LARP4: variants seen among roughly 807,000 people sequenced by gnomAD.
LARP4 encodes the protein la-related protein 4.
Under a neutral mutation model 92.9 loss-of-function variants are expected in LARP4, and 29 were observed. The observed-to-expected ratio is 0.31, with a 90% CI of 0.23 to 0.43. The LOEUF (loss-of-function observed/expected upper bound fraction) is 0.43. Ranked by LOEUF, LARP4 falls within the 20% of genes least tolerant of loss-of-function variation. LARP4 has a pLI of 1.00. For missense variants in LARP4, 732 were observed against 860.0 expected, an observed-to-expected ratio of 0.85 and a Z score of 1.86; for synonymous variants, 279 against 284.1, an observed-to-expected ratio of 0.98 and a Z score of 0.18.
chr12:50,471,710 A>G (rs1956953337), intron 13 of LARP4, among the ~76,000 whole-genome samples: 1 of 152,062 alleles, frequency 6.6e-6, no homozygotes, highest in Admixed American at 6.6e-5. Flanking sequence ...CAGTAGAGAC[A>G]GGGTTTCGTC....
intron 1 of LARP4, among the ~76,000 whole-genome samples, chr12:50,422,204 A>T: frequency 6.6e-6 from 1 of 152,094 alleles, no homozygotes; most frequent in East Asian, 1.9e-4. Flanking sequence ...ACCTCAAGTG[A>T]TCTGCCTGTC....
intron 8 of LARP4, among the ~76,000 whole-genome samples, chr12:50,449,296 T>A (rs189550444): frequency 5.5e-4 from 83 of 152,290 alleles, no homozygotes; most frequent in African/African-American, 1.9e-3. Flanking sequence ...TATAACTTTG[T>A]ATTTTTTTCT....
At chr12:50,425,522 A>G (rs1036324511) in intron 1 of LARP4, among the ~76,000 whole-genome samples, 1 of 152,218 alleles carries the variant, frequency 6.6e-6, no homozygotes, top group Non-Finnish European at 1.5e-5. Context: ...GAGCTTGGCT[A>G]TCACAAGCTA....
intron 10 of LARP4, among the ~76,000 whole-genome samples, chr12:50,457,092 C>T (rs1275814129): frequency 1.5e-4 from 22 of 151,624 alleles, no homozygotes; most frequent in Non-Finnish European, 8.8e-5. Context: ...TTAGTAGAGA[C>T]GGGGTTTCAT....
chr12:50,468,968 G>A (rs775122513), intron 13 of LARP4, among the ~76,000 whole-genome samples: 21 of 151,718 alleles, frequency 1.4e-4, no homozygotes, highest in African/African-American at 4.6e-4. Context: ...TCTCTTTACC[G>A]TCACCCTGGC....
At chr12:50,469,338 C>T (rs923536681) in intron 13 of LARP4, among the ~76,000 whole-genome samples, 7 of 152,144 alleles carry the variant, frequency 4.6e-5, no homozygotes, top group Non-Finnish European at 7.3e-5. Context: ...GGTGCGGTGG[C>T]TTACGCCTGT....
At position 50,462,615 on chromosome 12, in the gene LARP4, A is replaced by C; in HGVS notation, c.1368A>C (p.Glu456Asp). 6.3e-7 allele frequency: 1 copy of C among 1,597,338 alleles called. No individual in the cohort carries two copies. The highest frequency in any genetic ancestry group is 8.5e-7 in the Non-Finnish European group (1 of 1,171,534). ...RTLFRGRRRR[E>D]DDRISRPHPS... The stretch of plus-strand genomic sequence containing the variant: ...TCTTCAGAGGTCGAAGACGACGAGA[A>C]GATGACAGGATCTCAGTAAGTTTTT... The change falls in exon 12 of 16, where the codon GAA (glutamate) becomes GAC (aspartate). Residue 456 changes from glutamate to aspartate, a missense_variant. Glu to Asp is a conservative substitution (Grantham distance 45). Around this residue, in one of 7 missense-constraint regions of LARP4, gnomAD observed 264 missense variants for 269.5 expected, o/e 0.98. Coordinates refer to ENST00000398473, the MANE Select transcript of LARP4 (RefSeq NM_052879.5).
At chr12:50,404,568 A>G (rs1253546196) in intron 1 of LARP4, among the ~76,000 whole-genome samples, 1 of 151,278 alleles carries the variant, frequency 6.6e-6, no homozygotes, top group Admixed American at 6.6e-5. Context: ...ACTTCAGTAG[A>G]TTATTGGTTT....
chr12:50,469,909 C>CA (rs950873816), intron 13 of LARP4, among the ~76,000 whole-genome samples: 14 of 139,544 alleles, frequency 1.0e-4, no homozygotes, highest in Non-Finnish European at 1.3e-4. Flanking sequence ...GACTCTGTCT[C>CA]AAAAAACAGA....
intron 8 of LARP4, among the ~76,000 whole-genome samples, chr12:50,450,597 C>T (rs940887109): frequency 6.6e-6 from 1 of 152,140 alleles, no homozygotes; most frequent in Admixed American, 6.5e-5. Context: ...CTCCTGGGTT[C>T]AAGCAATTCT....
chr12:50,427,889 C>T lies in LARP4; in HGVS notation c.146C>T (p.Thr49Ile), dbSNP rs749830137. Reference sequence around the variant, plus strand: ...AGCTCTTGGCATGAAATAGCAGCTACATCAGGTGCTCATCCTGAGGGTAAG... The same window carrying T: ...AGCTCTTGGCATGAAATAGCAGCTATATCAGGTGCTCATCCTGAGGGTAAG... ...TESSWHEIAA[T>I]SGAHPEGNAE... Residue 49 changes from threonine (T) to isoleucine (I), a missense_variant, in exon 2 of 16, where the codon ACA becomes ATA. Coordinates refer to ENST00000398473, the MANE Select transcript of LARP4 (RefSeq NM_052879.5). The T allele has an allele frequency of 6.3e-7, 1 of 1,594,178 alleles. No individual in the cohort carries two copies. Among genetic ancestry groups the T allele is most frequent in the Admixed American group, 1.7e-5 (1 of 59,768 alleles).
intron 1 of LARP4, among the ~76,000 whole-genome samples, chr12:50,421,974 T>A (rs567461149): frequency 2.7e-5 from 4 of 147,758 alleles, no homozygotes; most frequent in African/African-American, 9.9e-5. Flanking sequence ...TTGGTTGGAT[T>A]TTTTTTTTTT....
chr12:50,437,992 TA>T (rs1950679613), intron 6 of LARP4, among the ~76,000 whole-genome samples, 154 bp downstream of exon 6: 1 of 152,234 alleles, frequency 6.6e-6, no homozygotes, highest in South Asian at 2.1e-4. Context: ...GGTTAAATAC[TA>T]ATTTGTTTCA....
At chr12:50,463,429 A>C (rs1287711194) in intron 12 of LARP4, among the ~76,000 whole-genome samples, 15 of 148,354 alleles carry the variant, frequency 1.0e-4, no homozygotes, top group African/African-American at 3.0e-4. Flanking sequence ...CCAAAAAAAA[A>C]AAAAAAAAAA....
rs771873755 is a variant in LARP4, at chr12:50,477,309, CTGTTT to C, written c.*1447_*1451del. On this transcript the variant is annotated 3_prime_UTR_variant, in exon 16 of 16. Coordinates refer to ENST00000398473, the MANE Select transcript of LARP4 (RefSeq NM_052879.5). The stretch of plus-strand genomic sequence containing the variant: ...ATATTAAAAACCGTGTTGTGTTAAT[CTGTTT>C]TAAGTCATACCATGTTCAGAGTTCT... The C allele has an allele frequency of 3.3e-5, 5 of 152,434 alleles. No homozygotes were observed. Among genetic ancestry groups the C allele is most frequent in the African/African-American group, 9.7e-5 (4 of 41,420 alleles). The allele number at this position is 152,434 out of a possible 1,614,324, so 9.4% of individuals were successfully genotyped here. A position where few individuals can be genotyped will look rare whatever the true frequency, so the allele number is the denominator to read the frequency against.
At chr12:50,426,732 G>GTGTGTGGTT (rs1948838581) in intron 1 of LARP4, among the ~76,000 whole-genome samples, 2 of 52,110 alleles carry the variant, frequency 3.8e-5, no homozygotes, top group Non-Finnish European at 7.6e-5. Context: ...TGTGTGTGTG[G>GTGTGTGGTT]TTTTTTTTTT....
chr12:50,466,907 G>C (rs1956221944), intron 12 of LARP4, 52 bp from the exon 13 acceptor site: 2 of 1,545,402 alleles, frequency 1.3e-6, no homozygotes, highest in Non-Finnish European at 8.9e-7. Context: ...TGTGACACAG[G>C]ATTAGGGAAT....
At chr12:50,408,804 A>C (rs1489031954) in intron 1 of LARP4, among the ~76,000 whole-genome samples, 1 of 152,154 alleles carries the variant, frequency 6.6e-6, no homozygotes, top group African/African-American at 2.4e-5. Context: ...TATACTAACA[A>C]AGTAACATAA....
chr12:50,454,121 C>G (rs1953783174), intron 9 of LARP4, among the ~76,000 whole-genome samples, 193 bp from the exon 10 acceptor site: 1 of 152,134 alleles, frequency 6.6e-6, no homozygotes, highest in African/African-American at 2.4e-5. Context: ...ACCAGACATT[C>G]TTTACTAAGT....
Sources: allele counts gnomAD v4.1 joint callset (sites outside exome capture counted in the v4.1 genomes callset), GRCh38; gene constraint gnomAD v4.1.1; regional missense constraint gnomAD v4.1.1; transcripts MANE v1.5; gene names NCBI Gene and HGNC (gene_info 2026-07-23, HGNC 2026-07-21).